Variants in RALGAPA1 observed in about 807,000 individuals in gnomAD.
RALGAPA1 encodes ral GTPase-activating protein subunit alpha-1.
Under a neutral mutation model 269.6 loss-of-function variants are expected in RALGAPA1, and 52 were observed. That is an observed-to-expected ratio of 0.19 (90% CI 0.15 to 0.24). The LOEUF is 0.24. RALGAPA1 is among the 10% of genes least tolerant of loss of function. The probability of loss-of-function intolerance (pLI) is 1.00; values close to 1 mark genes in which losing one functional copy is unlikely to be tolerated. For missense variants in RALGAPA1, 1,917 were observed against 3,013.9 expected (o/e 0.64, Z 8.52); for synonymous variants, 817 against 1,008.3 (o/e 0.81, Z 3.60).
At chr14:35,790,533 C>G (rs1336928536) in intron 1 of RALGAPA1, among the ~76,000 whole-genome samples, 1 of 151,748 alleles carries the variant, frequency 6.6e-6, no homozygotes, top group Non-Finnish European at 1.5e-5. Context: ...ACTAAAAATA[C>G]AAAAATTAGC....
rs1268961245 is a variant in RALGAPA1 at position 35,702,552 on chromosome 14, G to A, written c.2267-2250C>T. Among the ~76,000 whole-genome samples, 4 of 151,930 alleles carry A rather than the reference G, an allele frequency of 2.6e-5. No individual in the cohort carries two copies. The East Asian group carries it at 7.7e-4, about 29-fold the overall frequency. On this transcript the variant is annotated intron_variant, in intron 16 of 41. Coordinates refer to ENST00000680220, the MANE Select transcript of RALGAPA1 (RefSeq NM_001346249.2). ...GCTAGCTTCTTCCCTTCTTGAGAAA[G>A]TAACCAACAATTTTATAATCTAATT...
intron 7 of RALGAPA1, among the ~76,000 whole-genome samples, chr14:35,753,629 A>C (rs2072925786): frequency 6.6e-6 from 1 of 152,230 alleles, no homozygotes; most frequent in South Asian, 2.1e-4. Context: ...TGAAATGTCC[A>C]GAATAGGCAA....
At chr14:35,668,242 G>C (rs985096405) in intron 26 of RALGAPA1, among the ~76,000 whole-genome samples, 17 of 152,202 alleles carry the variant, frequency 1.1e-4, no homozygotes, top group Non-Finnish European at 2.1e-4. Flanking sequence ...TAGGACTTTG[G>C]GAGGCTGAGG....
chr14:35,689,531 C>T lies in RALGAPA1; in HGVS notation c.2880G>A (p.Gly960=). 2 of 1,241,542 alleles carry T rather than the reference C, an allele frequency of 1.6e-6. No homozygotes were observed. The highest frequency in any genetic ancestry group is 2.0e-6 in the Non-Finnish European group (2 of 994,616). 76.9% of individuals were successfully genotyped at this position (1,241,542 alleles called of 1,614,324 possible). A position where few individuals can be genotyped will look rare whatever the true frequency, so the allele number is the denominator to read the frequency against. Residue 960 remains glycine, a synonymous_variant, in exon 18 of 42, where the codon GGG becomes GGA. Coordinates refer to ENST00000680220, the MANE Select transcript of RALGAPA1 (RefSeq NM_001346249.2). The part of the protein sequence containing the change: ...NQENHSKNET[G]KDPASQEVTI... ...TCACTTCCTGAGAAGCTGGGTCTTTCCCTGTCTCATTTTTACTATGATTTT... is the reference window on the plus strand; with the variant it reads ...TCACTTCCTGAGAAGCTGGGTCTTTTCCTGTCTCATTTTTACTATGATTTT...
At chr14:35,784,299 G>A (rs370611432) in intron 1 of RALGAPA1, among the ~76,000 whole-genome samples, 16 of 152,162 alleles carry the variant, frequency 1.1e-4, no homozygotes, top group South Asian at 4.2e-4. Flanking sequence ...TAAAAAGCAC[G>A]AAATAGTATT....
chr14:35,575,783 G>A (rs1199373070), intron 37 of RALGAPA1, among the ~76,000 whole-genome samples: 2 of 151,888 alleles, frequency 1.3e-5, no homozygotes, highest in African/African-American at 2.4e-5. Flanking sequence ...TAGTAGAGAT[G>A]GGGTTTCACC....
chr14:35,792,278 T>G (rs2076232139), intron 1 of RALGAPA1, among the ~76,000 whole-genome samples: 1 of 152,000 alleles, frequency 6.6e-6, no homozygotes, highest in East Asian at 2.0e-4. Context: ...TGCCTCAGCC[T>G]CCTAGGTAGC....
At chr14:35,598,040 G>A (rs2059029291) in intron 36 of RALGAPA1, among the ~76,000 whole-genome samples, 1 of 152,072 alleles carries the variant, frequency 6.6e-6, no homozygotes, top group Admixed American at 6.6e-5. Context: ...AGATCTTGTT[G>A]GTAGCTGCTG....
intron 39 of RALGAPA1, among the ~76,000 whole-genome samples, chr14:35,552,061 A>G (rs536312479): frequency 6.6e-6 from 1 of 152,126 alleles, no homozygotes; most frequent in Non-Finnish European, 1.5e-5. Context: ...AAGGTAAATC[A>G]CTTTCTAAAA....
In RALGAPA1 at chr14:35,713,675, C is replaced by A. The variant is rs546495493; in HGVS notation, c.2266+8013G>T. Among the ~76,000 whole-genome samples the A allele has an allele frequency of 3.9e-5, 6 of 152,056 alleles. No individual in the cohort carries two copies. In the South Asian group the frequency reaches 1.2e-3, roughly 32 times the overall value. On this transcript the variant is annotated intron_variant, in intron 16 of 41. Coordinates refer to ENST00000680220, the MANE Select transcript of RALGAPA1 (RefSeq NM_001346249.2). The stretch of plus-strand genomic sequence containing the variant: ...CCATTAAAATAAATCAGATTGGTCC[C>A]AATACTATAGTAATACTAGAGCATA...
At chr14:35,674,064 A>G in intron 24 of RALGAPA1, 116 bp downstream of exon 24, 1 of 699,618 alleles carries the variant, frequency 1.4e-6, no homozygotes. Context: ...CTTCCTAAGG[A>G]TACTGGTTAA....
chr14:35,649,831 C>T (rs1355080897), intron 31 of RALGAPA1, among the ~76,000 whole-genome samples: 1 of 152,130 alleles, frequency 6.6e-6, no homozygotes, highest in African/African-American at 2.4e-5. Flanking sequence ...CAGGGAGTAT[C>T]ATGTTTACCT....
chr14:35,785,078 T>G (rs753226133), intron 1 of RALGAPA1, among the ~76,000 whole-genome samples: 2 of 152,190 alleles, frequency 1.3e-5, no homozygotes. Flanking sequence ...TAATTGTACA[T>G]GTCCAAAACA....
intron 1 of RALGAPA1, among the ~76,000 whole-genome samples, chr14:35,794,682 TC>T (rs2076431861): frequency 6.6e-6 from 1 of 152,152 alleles, no homozygotes; most frequent in Non-Finnish European, 1.5e-5. Flanking sequence ...TGGTCTCATC[TC>T]CTGACCTCGT....
At chr14:35,720,339 C>A (rs973429258) in intron 16 of RALGAPA1, among the ~76,000 whole-genome samples, 2 of 152,034 alleles carry the variant, frequency 1.3e-5, no homozygotes, top group African/African-American at 4.8e-5. Context: ...TATTTTAATT[C>A]TTTTAAAATC....
intron 31 of RALGAPA1, among the ~76,000 whole-genome samples, chr14:35,641,227 T>C (rs1022507931): frequency 6.6e-6 from 1 of 152,090 alleles, no homozygotes; most frequent in South Asian, 2.1e-4. Flanking sequence ...GACACAGTAC[T>C]GGAGGTCCTA....
At chr14:35,659,323 T>C (rs2063393202) in intron 27 of RALGAPA1, 127 bp from the exon 28 acceptor site, 1 of 511,538 alleles carries the variant, frequency 2.0e-6, no homozygotes, top group Non-Finnish European at 3.3e-6. Context: ...AAGAGACCAA[T>C]ATTATTTATA....
intron 21 of RALGAPA1, among the ~76,000 whole-genome samples, chr14:35,682,403 C>A (rs1406682517): frequency 6.6e-6 from 1 of 151,856 alleles, no homozygotes; most frequent in African/African-American, 2.4e-5. Flanking sequence ...CGGGTTCATG[C>A]CATTCTCCTG....
intron 37 of RALGAPA1, among the ~76,000 whole-genome samples, chr14:35,589,070 G>C (rs2058479460): frequency 6.6e-6 from 1 of 152,154 alleles, no homozygotes; most frequent in Non-Finnish European, 1.5e-5. Context: ...TAGAAAGATG[G>C]AGTACAGTAA....
Sources: gnomAD v4.1 joint callset for allele counts (sites outside exome capture counted in the v4.1 genomes callset) on GRCh38, gnomAD v4.1.1 for gene constraint, MANE v1.5 for transcripts, NCBI Gene and HGNC (gene_info 2026-07-23, HGNC 2026-07-21) for gene names.